The following PCDH17 variants were observed in gnomAD, a reference collection of about 807,000 sequenced individuals.
The protein encoded by PCDH17 is protocadherin 17, also known as protocadherin-17.
PCDH17 carries 21 observed loss-of-function variants against 67.7 expected under a neutral mutation model. That is an observed-to-expected ratio of 0.31 (90% CI 0.22 to 0.45). The LOEUF (loss-of-function observed/expected upper bound fraction) is 0.45, where lower values mean the gene tolerates loss of function less well. Ranked by LOEUF, PCDH17 falls within the 20% of genes least tolerant of loss-of-function variation. The pLI, the probability that PCDH17 is intolerant of heterozygous loss-of-function variation, is 1.00. For synonymous variants in PCDH17, 701 were observed against 656.7 expected, an observed-to-expected ratio of 1.07 and a Z score of -1.03; for missense variants, 1,471 against 1,564.8, an observed-to-expected ratio of 0.94 and a Z score of 1.01.
chr13:57,637,118 G>GCA (rs1954833267), intron 1 of PCDH17, among the ~76,000 whole-genome samples: 1 of 151,830 alleles, frequency 6.6e-6, no homozygotes, highest in Non-Finnish European at 1.5e-5. Flanking sequence ...ACACACGTGC[G>GCA]CACACACACA....
intron 1 of PCDH17, among the ~76,000 whole-genome samples, chr13:57,659,773 C>G (rs1955160523): frequency 6.6e-6 from 1 of 152,146 alleles, no homozygotes; most frequent in Non-Finnish European, 1.5e-5. Context: ...TTCACCGTTT[C>G]TGAAGACAGA....
chr13:57,637,235 T>C (rs770534623), intron 1 of PCDH17, among the ~76,000 whole-genome samples: 36 of 152,142 alleles, frequency 2.4e-4, no homozygotes, highest in Non-Finnish European at 4.1e-4. Context: ...TGAAATGTTT[T>C]GCACAGTGGC....
Position 57,727,458 on chromosome 13 carries a change from A to G in PCDH17, c.*2164A>G, listed in dbSNP as rs547758413. On this transcript the variant is annotated 3_prime_UTR_variant, in exon 4 of 4. Transcript: ENST00000377918. ...AACTTTAAAAACTTCTACTGAAAAT[A>G]TTTCCGCCAAATGCCATCAATATTT... is the stretch of plus-strand genomic sequence containing the variant. 4 of 152,234 alleles carry G rather than the reference A, an allele frequency of 2.6e-5. No individual in the cohort carries two copies. In the South Asian group the frequency reaches 8.3e-4, roughly 32 times the overall value. The allele number at this position is 152,234 out of a possible 1,614,324, so 9.4% of individuals were successfully genotyped here. A position where few individuals can be genotyped will look rare whatever the true frequency, so the allele number is the denominator to read the frequency against.
Position 57,633,607 on chromosome 13 carries a change from T to C in PCDH17, c.1061T>C (p.Val354Ala), listed in dbSNP as rs912639609. The change falls in exon 1 of 4, where the codon GTC (valine) becomes GCC (alanine). Residue 354 changes from valine to alanine, a missense_variant. Transcript: ENST00000377918. The surrounding 1 kb of genome is among the most constrained non-coding windows in gnomAD (Gnocchi z 6.2). ...RNDNAPSIGFVSVRQGALSEA... is the reference protein window; with the variant it reads ...RNDNAPSIGFASVRQGALSEA... ...GACAATGCGCCGTCCATCGGTTTCG[T>C]CTCCGTGCGCCAGGGGGCGCTGAGC... 3.7e-6 allele frequency: 6 copies of C among 1,612,128 alleles called. No homozygotes were observed. The highest frequency in any genetic ancestry group is 5.1e-6 in the Non-Finnish European group (6 of 1,180,028).
intron 3 of PCDH17, among the ~76,000 whole-genome samples, chr13:57,679,018 A>T (rs1955422059): frequency 6.6e-6 from 1 of 151,528 alleles, no homozygotes; most frequent in African/African-American, 2.4e-5. Context: ...AAACACATTA[A>T]CATTGTGTAG....
chr13:57,704,221 T>G (rs1368956566), intron 3 of PCDH17, among the ~76,000 whole-genome samples: 1 of 152,114 alleles, frequency 6.6e-6, no homozygotes, highest in African/African-American at 2.4e-5. Flanking sequence ...GACATCAAAG[T>G]GAAATGGTTT....
intron 1 of PCDH17, among the ~76,000 whole-genome samples, chr13:57,643,344 G>C (rs1202032653): frequency 6.6e-6 from 1 of 151,402 alleles, no homozygotes; most frequent in Non-Finnish European, 1.5e-5. Flanking sequence ...TTTGGAAAAG[G>C]CAATTTGTTT....
chr13:57,724,647 C>T lies in PCDH17; in HGVS notation c.2833C>T (p.Arg945Ter), dbSNP rs1474507050. The T allele has an allele frequency of 1.2e-6, 2 of 1,613,768 alleles. No homozygotes were observed. Among genetic ancestry groups the T allele is most frequent in the South Asian group, 1.1e-5 (1 of 91,070 alleles). Residue 945 changes from arginine (R) to a stop codon, truncating the protein, a stop_gained, in exon 4 of 4, where the codon CGA becomes TGA. Coordinates refer to ENST00000377918, the MANE Select transcript of PCDH17 (RefSeq NM_001040429.3). LOFTEE classifies it high-confidence loss of function. ...EECVNCTDEC[R>*]VLGHSDRCWM... is the part of the protein sequence containing the mutation. ...GTGTGTTAATTGCACAGATGAATGCCGAGTGCTTGGTCATTCTGACAGGTG... is the reference window on the plus strand; with the variant it reads ...GTGTGTTAATTGCACAGATGAATGCTGAGTGCTTGGTCATTCTGACAGGTG...
At chr13:57,705,190 C>T (rs993660455) in intron 3 of PCDH17, among the ~76,000 whole-genome samples, 1 of 151,580 alleles carries the variant, frequency 6.6e-6, no homozygotes, top group African/African-American at 2.4e-5. Context: ...TGCTAATAAC[C>T]CATATTGCTA....
At chr13:57,637,163 G>T (rs1185736054) in intron 1 of PCDH17, among the ~76,000 whole-genome samples, 1 of 152,014 alleles carries the variant, frequency 6.6e-6, no homozygotes, top group African/African-American at 2.4e-5. Flanking sequence ...TTAACATTCT[G>T]TTTCTTCTAG....
chr13:57,694,873 A>C (rs1215704903), intron 3 of PCDH17, among the ~76,000 whole-genome samples: 1 of 151,134 alleles, frequency 6.6e-6, no homozygotes, highest in Non-Finnish European at 1.5e-5. Context: ...TTAATCAAGG[A>C]TCTGAATCAG....
At chr13:57,706,771 A>G (rs1253022596) in intron 3 of PCDH17, among the ~76,000 whole-genome samples, 2 of 151,996 alleles carry the variant, frequency 1.3e-5, no homozygotes, top group African/African-American at 4.8e-5. Flanking sequence ...AATCCTAACC[A>G]CTGTTGAAAT....
intron 3 of PCDH17, among the ~76,000 whole-genome samples, chr13:57,713,878 A>G (rs1955797593): frequency 6.6e-6 from 1 of 151,472 alleles, no homozygotes; most frequent in African/African-American, 2.4e-5. Context: ...CTTTAAAAAA[A>G]CCTTTTGTAT....
Position 57,666,460 on chromosome 13 carries a change from T to A in PCDH17, c.2566-8T>A. 1 of 1,612,810 alleles carries A rather than the reference T, an allele frequency of 6.2e-7. No individual in the cohort carries two copies. The highest frequency in any genetic ancestry group is 8.5e-7 in the Non-Finnish European group (1 of 1,178,902). On this transcript the variant is annotated splice_region_variant and splice_polypyrimidine_tract_variant and intron_variant, in intron 1 of 3. Transcript: ENST00000377918. Reference sequence around the variant, plus strand: ...AACTATACGTATTTTTTTCCTTCTCTTTCACAGACAGACAATTTTCCCGCA... The same window carrying A: ...AACTATACGTATTTTTTTCCTTCTCATTCACAGACAGACAATTTTCCCGCA...
At chr13:57,650,857 A>G (rs1955028305) in intron 1 of PCDH17, among the ~76,000 whole-genome samples, 1 of 152,118 alleles carries the variant, frequency 6.6e-6, no homozygotes, top group African/African-American at 2.4e-5. Flanking sequence ...TTCCTTTCCA[A>G]TTCTAAAATT....
At chr13:57,649,999 C>G (rs1352537616) in intron 1 of PCDH17, among the ~76,000 whole-genome samples, 1 of 152,088 alleles carries the variant, frequency 6.6e-6, no homozygotes, top group Non-Finnish European at 1.5e-5. Flanking sequence ...GGAAAGCAGA[C>G]TATCAGAAAA....
Position 57,634,910 on chromosome 13 carries a change from C to T in PCDH17, c.2364C>T (p.Ser788=). 1 of 1,613,876 alleles carries T rather than the reference C, an allele frequency of 6.2e-7. No individual in the cohort carries two copies. The highest frequency in any genetic ancestry group is 8.5e-7 in the Non-Finnish European group (1 of 1,179,944). ...TGAACGTCATGAACGTGGTGAGCAG[C>T]CCCTCCCTGGCCACCTCCCCCATGT... The part of the protein sequence containing the change: ...NAMNVMNVVS[S]PSLATSPMYF... The change falls in exon 1 of 4, where the codon AGC becomes AGT. Residue 788 remains serine (S), a synonymous_variant. Transcript: ENST00000377918. This position sits in a 1 kb window ranked among gnomAD's most constrained non-coding sequence, Gnocchi z 7.8.
At chr13:57,717,047 A>C (rs1186566642) in intron 3 of PCDH17, among the ~76,000 whole-genome samples, 1 of 151,972 alleles carries the variant, frequency 6.6e-6, no homozygotes, top group Non-Finnish European at 1.5e-5. Context: ...TACTTTTCTC[A>C]AAGTGAATAT....
At chr13:57,717,983 C>T (rs1030901751) in intron 3 of PCDH17, among the ~76,000 whole-genome samples, 2 of 151,872 alleles carry the variant, frequency 1.3e-5, no homozygotes, top group Non-Finnish European at 2.9e-5. Context: ...AACAGACAAC[C>T]TCATGAAATA....
Sources: allele counts gnomAD v4.1 joint callset (sites outside exome capture counted in the v4.1 genomes callset), GRCh38; gene constraint gnomAD v4.1.1; non-coding constraint Gnocchi (gnomAD v3.1); transcripts MANE v1.5; gene names NCBI Gene and HGNC (gene_info 2026-07-23, HGNC 2026-07-21).